Variants in SNTG2 observed in about 807,000 individuals in gnomAD.
SNTG2 encodes gamma-2-syntrophin.
A neutral mutation model predicts 70.9 loss-of-function variants in SNTG2; 74 were observed. The ratio of observed to expected loss-of-function variants is 1.04; its 90% CI spans 0.86 to 1.27. The LOEUF (loss-of-function observed/expected upper bound fraction) is 1.27. Among genes scored for constraint, SNTG2 ranks in the 50% most tolerant of loss-of-function variants. SNTG2 has a pLI of 0.00. For missense variants in SNTG2, 717 were observed against 690.7 expected (o/e 1.04, Z -0.43); for synonymous variants, 278 against 273.8 (o/e 1.02, Z -0.15).
intron 6 of SNTG2, among the ~76,000 whole-genome samples, chr2:1,148,903 G>C (rs1669278445): frequency 6.6e-6 from 1 of 152,120 alleles, no homozygotes; most frequent in Non-Finnish European, 1.5e-5. Flanking sequence ...AGCCTGGCAG[G>C]TACACCCTCT....
intron 14 of SNTG2, among the ~76,000 whole-genome samples, chr2:1,290,561 A>C (rs1679950535): frequency 6.6e-6 from 1 of 152,052 alleles, no homozygotes; most frequent in Non-Finnish European, 1.5e-5. Flanking sequence ...CAATCCACCC[A>C]CCTTGGCCTC....
chr2:1,070,159 G>A (rs544945396), intron 1 of SNTG2, among the ~76,000 whole-genome samples: 1 of 152,060 alleles, frequency 6.6e-6, no homozygotes, highest in Non-Finnish European at 1.5e-5. Flanking sequence ...TGGGGCAAGA[G>A]GACAGGAGAG....
chr2:1,018,835 C>T (rs1479841084), intron 1 of SNTG2, among the ~76,000 whole-genome samples: 2 of 152,218 alleles, frequency 1.3e-5, no homozygotes, highest in Non-Finnish European at 2.9e-5. Context: ...TGGGCCATCA[C>T]ATTACAGCCC....
intron 1 of SNTG2, among the ~76,000 whole-genome samples, chr2:1,054,342 C>A (rs2148089550): frequency 6.6e-6 from 1 of 152,248 alleles, no homozygotes; most frequent in East Asian, 1.9e-4. Context: ...GTTCACTCTT[C>A]TTCGTGCCAA....
chr2:1,268,603 C>T (rs1678870146), intron 14 of SNTG2, among the ~76,000 whole-genome samples: 1 of 152,158 alleles, frequency 6.6e-6, no homozygotes. Flanking sequence ...ATTCCTGATG[C>T]TTAAAGTAAC....
intron 1 of SNTG2, among the ~76,000 whole-genome samples, chr2:1,027,513 T>C (rs1391723896): frequency 6.6e-6 from 1 of 150,994 alleles, no homozygotes; most frequent in African/African-American, 2.4e-5. Flanking sequence ...AAGGTGCGTC[T>C]GACCCACAGT....
intron 1 of SNTG2, among the ~76,000 whole-genome samples, chr2:1,074,040 G>A (rs1476755920): frequency 6.6e-6 from 1 of 152,178 alleles, no homozygotes; most frequent in East Asian, 1.9e-4. Context: ...ATATTGATAT[G>A]TGGGTTCAAA....
intron 4 of SNTG2, among the ~76,000 whole-genome samples, chr2:1,122,032 A>G (rs901768366): frequency 5.9e-5 from 9 of 152,180 alleles, no homozygotes; most frequent in African/African-American, 2.2e-4. Context: ...TTGTGGAAAA[A>G]TACAACCTGC....
At chr2:1,066,972 C>T (rs1020342766) in intron 1 of SNTG2, among the ~76,000 whole-genome samples, 1 of 152,254 alleles carries the variant, frequency 6.6e-6, no homozygotes, top group East Asian at 1.9e-4. Context: ...CTGCACTGTA[C>T]GTTTGTTAGC....
At chr2:1,135,934 T>C (rs1382078056) in intron 4 of SNTG2, among the ~76,000 whole-genome samples, 1 of 152,180 alleles carries the variant, frequency 6.6e-6, no homozygotes, top group African/African-American at 2.4e-5. Context: ...AAGCTGAAGC[T>C]TAGTTTCCCA....
chr2:1,048,150 C>G (rs1407671590), intron 1 of SNTG2, among the ~76,000 whole-genome samples: 4 of 152,072 alleles, frequency 2.6e-5, no homozygotes, highest in Non-Finnish European at 5.9e-5. Context: ...TTCGCATTGT[C>G]TCTTTCTATT....
chr2:1,179,493 G>C (rs1671714310), intron 8 of SNTG2, among the ~76,000 whole-genome samples: 1 of 151,928 alleles, frequency 6.6e-6, no homozygotes. Context: ...AAAATACCTA[G>C]GAATCCAACT....
intron 16 of SNTG2, among the ~76,000 whole-genome samples, chr2:1,340,825 C>A (rs547507000): frequency 6.6e-6 from 1 of 152,182 alleles, no homozygotes; most frequent in African/African-American, 2.4e-5. Context: ...GGATGTTTTG[C>A]ACAGGGCAAT....
Position 1,149,688 on chromosome 2 carries a change from TTTTTTTTTTTTTTTTTTCAA to T in SNTG2, c.411+11880_411+11899del, listed in dbSNP as rs1558458380. 1.7e-3 allele frequency among the ~76,000 whole-genome samples: 247 copies of T among 141,774 alleles called. 3 individuals carry two copies. The highest frequency in any genetic ancestry group is 6.3e-3 in the African/African-American group (235 of 37,546). The allele number at this position is 141,774 out of a possible 152,430, so 93.0% of individuals were successfully genotyped here. ...TTGATTAGCGTTTTTTTTTTTTTTT[TTTTTTTTTTTTTTTTTTCAA>T]ATGGAATCTGGCTCTGTTGCCCAGG... On this transcript the variant is annotated intron_variant, in intron 6 of 16. Coordinates refer to ENST00000308624, the MANE Select transcript of SNTG2 (RefSeq NM_018968.4).
At chr2:960,506 C>A (rs1572165515) in intron 1 of SNTG2, among the ~76,000 whole-genome samples, 1 of 152,360 alleles carries the variant, frequency 6.6e-6, no homozygotes, top group East Asian at 1.9e-4. Flanking sequence ...AGACAGAGGA[C>A]TCTGCCCTCG....
chr2:980,876 C>T (rs910381592), intron 1 of SNTG2, among the ~76,000 whole-genome samples: 1 of 152,190 alleles, frequency 6.6e-6, no homozygotes, highest in African/African-American at 2.4e-5. Context: ...GTCAGTACTA[C>T]GTTCCAGATA....
intron 16 of SNTG2, among the ~76,000 whole-genome samples, chr2:1,362,347 C>G (rs1044237549): frequency 6.6e-6 from 1 of 151,252 alleles, no homozygotes; most frequent in Admixed American, 6.6e-5. Context: ...AAGTCACCGA[C>G]GCTGAGCATT....
intron 16 of SNTG2, among the ~76,000 whole-genome samples, chr2:1,331,438 T>C (rs1354486254): frequency 1.3e-5 from 2 of 152,226 alleles, no homozygotes; most frequent in Non-Finnish European, 2.9e-5. Context: ...TTAATAACTT[T>C]ACAACTATCC....
chr2:1,093,257 G>A lies in SNTG2; in HGVS notation c.211-4939G>A, dbSNP rs1184322933. ...TGGGAGAGCATTGAGGCAGCGGACT[G>A]TTTTGGTTGCATTAGAAATGCCTTT... On this transcript the variant is annotated intron_variant, in intron 2 of 16. Transcript: ENST00000308624. 2.6e-5 allele frequency among the ~76,000 whole-genome samples: 4 copies of A among 152,294 alleles called. No individual in the cohort carries two copies. The Middle Eastern group carries it at 0.01, about 389-fold the overall frequency.
Sources: gnomAD v4.1 joint callset for allele counts (sites outside exome capture counted in the v4.1 genomes callset) on GRCh38, gnomAD v4.1.1 for gene constraint, MANE v1.5 for transcripts, NCBI Gene and HGNC (gene_info 2026-07-23, HGNC 2026-07-21) for gene names.